TENM2: variants seen among roughly 807,000 people sequenced by gnomAD.
TENM2 encodes teneurin transmembrane protein 2, also known as teneurin-2.
Under a neutral mutation model 245.2 loss-of-function variants are expected in TENM2, and 52 were observed. The observed-to-expected ratio is 0.21, with a 90% CI of 0.17 to 0.27. The LOEUF is 0.27. Among genes scored for constraint, TENM2 ranks in the 10% least tolerant of loss-of-function variants. The probability of loss-of-function intolerance (pLI) is 1.00; values close to 1 mark genes in which losing one functional copy is unlikely to be tolerated. For synonymous variants in TENM2, 1,363 were observed against 1,438.9 expected, an observed-to-expected ratio of 0.95 and a Z score of 1.19; for missense variants, 3,046 against 3,666.8, an observed-to-expected ratio of 0.83 and a Z score of 4.37.
At chr5:167,347,684 T>G (rs189150896) in intron 1 of TENM2, among the ~76,000 whole-genome samples, 121 of 151,974 alleles carry the variant, frequency 8.0e-4, no homozygotes, top group African/African-American at 2.8e-3. Flanking sequence ...TATTTTTTTA[T>G]CCTTTCTTTC....
At chr5:167,384,069 G>A (rs1034342237) in intron 2 of TENM2, among the ~76,000 whole-genome samples, 1 of 152,134 alleles carries the variant, frequency 6.6e-6, no homozygotes, top group African/African-American at 2.4e-5. Flanking sequence ...ATGACCGTAT[G>A]TGCTAATGAT....
chr5:167,469,980 A>AT (rs1489687762), intron 2 of TENM2, among the ~76,000 whole-genome samples: 1 of 152,128 alleles, frequency 6.6e-6, no homozygotes, highest in African/African-American at 2.4e-5. Flanking sequence ...CACATATAAT[A>AT]TTTTCCAGAT....
intron 2 of TENM2, among the ~76,000 whole-genome samples, chr5:167,616,279 T>A (rs896983874): frequency 6.6e-6 from 1 of 152,146 alleles, no homozygotes; most frequent in Non-Finnish European, 1.5e-5. Context: ...TTTGTTAAAC[T>A]GTAAAAATGT....
At chr5:168,066,164 C>T (rs944173398) in intron 7 of TENM2, among the ~76,000 whole-genome samples, 5 of 152,204 alleles carry the variant, frequency 3.3e-5, no homozygotes, top group African/African-American at 1.2e-4. Flanking sequence ...ATGTCAACCT[C>T]ATTCAAGGAC....
intron 2 of TENM2, among the ~76,000 whole-genome samples, chr5:167,528,155 G>A (rs190347597): frequency 7.3e-4 from 111 of 152,226 alleles, no homozygotes; most frequent in Non-Finnish European, 1.3e-3. Context: ...TGGAGGCTGC[G>A]AATTAGGGAG....
chr5:167,095,459 C>T, the TENM2 span, among the ~76,000 whole-genome samples: 15 of 152,126 alleles, frequency 9.9e-5, no homozygotes, highest in East Asian at 1.6e-3. Flanking sequence ...ATGTAGGAGG[C>T]GGCGGGCGGC....
intron 2 of TENM2, among the ~76,000 whole-genome samples, chr5:167,561,580 T>C (rs1862347): frequency 0.58 from 88,829 of 152,020 alleles, 26,543 homozygotes; most frequent in Middle Eastern, 0.69. Flanking sequence ...GAAACGTCTA[T>C]GTTGTTTTTC....
intron 7 of TENM2, among the ~76,000 whole-genome samples, chr5:168,072,719 C>A (rs1791124503): frequency 6.6e-6 from 1 of 152,150 alleles, no homozygotes; most frequent in African/African-American, 2.4e-5. Flanking sequence ...AAAATGAGGA[C>A]TATACCTCAT....
At chr5:167,049,628 A>T in the TENM2 span, among the ~76,000 whole-genome samples, 1 of 152,242 alleles carries the variant, frequency 6.6e-6, no homozygotes, top group East Asian at 1.9e-4. Context: ...TGTTTTTATA[A>T]TGTAAACAAT....
chr5:167,829,662 C>G (rs766292133), intron 2 of TENM2, among the ~76,000 whole-genome samples: 1 of 152,058 alleles, frequency 6.6e-6, no homozygotes, highest in Non-Finnish European at 1.5e-5. Context: ...TTTCATTTAG[C>G]TTTCAGATGT....
At chr5:167,725,256 A>G (rs1759914334) in intron 2 of TENM2, among the ~76,000 whole-genome samples, 1 of 152,054 alleles carries the variant, frequency 6.6e-6, no homozygotes, top group South Asian at 2.1e-4. Flanking sequence ...AATGAATCAC[A>G]CTTTTTTTTT....
At chr5:167,733,917 G>A (rs115393098) in intron 2 of TENM2, among the ~76,000 whole-genome samples, 141 of 152,248 alleles carry the variant, frequency 9.3e-4, no homozygotes, top group African/African-American at 3.1e-3. Flanking sequence ...TCCACATTGC[G>A]TATGAGGACA....
At chr5:166,990,579 G>A in the TENM2 span, among the ~76,000 whole-genome samples, 3 of 152,072 alleles carry the variant, frequency 2.0e-5, no homozygotes, top group Admixed American at 2.0e-4. Flanking sequence ...TAATGATAAT[G>A]ATGGTTCTCC....
At chr5:166,990,801 T>G in the TENM2 span, among the ~76,000 whole-genome samples, 2 of 152,206 alleles carry the variant, frequency 1.3e-5, no homozygotes, top group Non-Finnish European at 2.9e-5. Context: ...AACAACACTG[T>G]GATCATTTTT....
intron 13 of TENM2, among the ~76,000 whole-genome samples, chr5:168,179,183 GTGAATCA>G (rs1474186491): frequency 6.7e-6 from 1 of 148,706 alleles, no homozygotes; most frequent in Non-Finnish European, 1.5e-5. Context: ...CAACCAACAT[GTGAATCA>G]TGAATCACTT....
chr5:167,883,882 G>A (rs1337237646), intron 3 of TENM2, among the ~76,000 whole-genome samples: 1 of 152,148 alleles, frequency 6.6e-6, no homozygotes, highest in Non-Finnish European at 1.5e-5. Flanking sequence ...TTGAATCAAA[G>A]GATTTCATTA....
At chr5:167,453,731 A>G (rs1238653637) in intron 2 of TENM2, among the ~76,000 whole-genome samples, 1 of 152,230 alleles carries the variant, frequency 6.6e-6, no homozygotes, top group East Asian at 1.9e-4. Context: ...GACTAGGCCC[A>G]TGAACTGTAA....
In TENM2 at chr5:167,821,053, A is replaced by C. The variant is rs144489287; in HGVS notation, c.503-54933A>C. Reference sequence around the variant, plus strand: ...GAAGGAAAAGGTGGGGAGTGGGGTAAGGAATAATTCTCTATTGTAGAGGAT... The same window carrying C: ...GAAGGAAAAGGTGGGGAGTGGGGTACGGAATAATTCTCTATTGTAGAGGAT... On this transcript the variant is annotated intron_variant, in intron 2 of 28. Transcript: ENST00000518659. The C allele has an allele frequency of 2.7e-4, 41 of 152,324 alleles. 1 individual carries two copies. The highest frequency in any genetic ancestry group is 8.4e-4 in the African/African-American group (35 of 41,564). 9.4% of individuals were successfully genotyped at this position (152,324 alleles called of 1,614,324 possible). A position where few individuals can be genotyped will look rare whatever the true frequency, so the allele number is the denominator to read the frequency against.
chr5:167,936,768 G>A lies in TENM2; in HGVS notation c.713-15820G>A, dbSNP rs370936376. Among the ~76,000 whole-genome samples the A allele has an allele frequency of 2.1e-4, 32 of 152,200 alleles. 1 individual carries two copies. The highest frequency in any genetic ancestry group is 3.4e-4 in the Non-Finnish European group (23 of 68,016). On this transcript the variant is annotated intron_variant, in intron 3 of 28. Coordinates refer to ENST00000518659, the Ensembl canonical transcript of TENM2. ...GAACCCAAGACAACCCTTTTGCCTC[G>A]AAAATTTCCCATGTTCTCCTTTTGT...
Sources: gnomAD v4.1 joint callset for allele counts (sites outside exome capture counted in the v4.1 genomes callset) on GRCh38, gnomAD v4.1.1 for gene constraint, MANE v1.5 for transcripts, NCBI Gene and HGNC (gene_info 2026-07-23, HGNC 2026-07-21) for gene names.